The following CCSER1 variants were observed in gnomAD, a reference collection of about 807,000 sequenced individuals.
CCSER1 encodes the protein coiled-coil serine rich protein 1.
CCSER1 carries 41 observed loss-of-function variants against 82.0 expected under a neutral mutation model. The observed-to-expected ratio is 0.50, with a 90% CI of 0.39 to 0.65. The LOEUF is 0.65. Ranked by LOEUF, CCSER1 falls within the 30% of genes least tolerant of loss-of-function variation. The pLI, the probability that CCSER1 is intolerant of heterozygous loss-of-function variation, is 0.00. For missense variants in CCSER1, 1,119 were observed against 1,064.2 expected (o/e 1.05, Z -0.72); for synonymous variants, 414 against 383.9 (o/e 1.08, Z -0.92).
chr4:91,258,786 T>A (rs1052932893), intron 10 of CCSER1, among the ~76,000 whole-genome samples: 31 of 152,272 alleles, frequency 2.0e-4, no homozygotes, highest in African/African-American at 7.5e-4. Context: ...GACAATAATC[T>A]AAATGCTTTA....
chr4:90,306,424 A>C (rs370354852), intron 1 of CCSER1, among the ~76,000 whole-genome samples: 1 of 152,210 alleles, frequency 6.6e-6, no homozygotes, highest in East Asian at 1.9e-4. Flanking sequence ...AAAAATATCA[A>C]AACATCACGT....
At chr4:91,105,530 C>T (rs895432555) in intron 10 of CCSER1, among the ~76,000 whole-genome samples, 4 of 152,050 alleles carry the variant, frequency 2.6e-5, no homozygotes, top group Non-Finnish European at 5.9e-5. Context: ...ATGGTGAAAC[C>T]CCATCTCTAC....
intron 5 of CCSER1, among the ~76,000 whole-genome samples, chr4:90,504,288 A>G (rs868327766): frequency 6.6e-6 from 1 of 152,162 alleles, no homozygotes; most frequent in African/African-American, 2.4e-5. Flanking sequence ...TCTTTTATTT[A>G]TAAGCCTGTT....
chr4:90,238,812 A>G (rs980970251), intron 1 of CCSER1, among the ~76,000 whole-genome samples: 1 of 151,860 alleles, frequency 6.6e-6, no homozygotes, highest in African/African-American at 2.4e-5. Context: ...TTCTGAAAAC[A>G]GTCTTTTTAA....
chr4:90,195,975 T>C (rs1214723537), intron 1 of CCSER1, among the ~76,000 whole-genome samples: 5 of 152,120 alleles, frequency 3.3e-5, no homozygotes, highest in African/African-American at 7.2e-5. Context: ...ATTCCATCAG[T>C]TGAATTCCCA....
chr4:91,363,537 G>A (rs1560613490), intron 10 of CCSER1, among the ~76,000 whole-genome samples: 1 of 151,692 alleles, frequency 6.6e-6, no homozygotes, highest in African/African-American at 2.4e-5. Flanking sequence ...TGTTTCTACT[G>A]TAGTGTCCTC....
intron 3 of CCSER1, among the ~76,000 whole-genome samples, chr4:90,369,221 AAG>A (rs1237580223): frequency 7.7e-6 from 1 of 129,660 alleles, no homozygotes; most frequent in Non-Finnish European, 1.7e-5. Context: ...AGAAGAAAGA[AAG>A]GGGGAGGAAA....
chr4:90,510,719 C>T (rs1578882706), intron 5 of CCSER1, among the ~76,000 whole-genome samples: 1 of 152,208 alleles, frequency 6.6e-6, no homozygotes, highest in South Asian at 2.1e-4. Context: ...AACACCTGCT[C>T]ACTGATGACA....
chr4:91,573,861 C>T (rs1267012368), intron 10 of CCSER1, among the ~76,000 whole-genome samples: 1 of 152,064 alleles, frequency 6.6e-6, no homozygotes, highest in Admixed American at 6.6e-5. Flanking sequence ...TTTTTATACA[C>T]TAACAATGAA....
chr4:90,460,763 C>A (rs1762793974), intron 4 of CCSER1, among the ~76,000 whole-genome samples: 1 of 152,100 alleles, frequency 6.6e-6, no homozygotes, highest in Non-Finnish European at 1.5e-5. Context: ...CTTTTGATGG[C>A]TCTTCTCTCA....
intron 10 of CCSER1, among the ~76,000 whole-genome samples, chr4:91,498,968 G>A (rs1759070046): frequency 6.6e-6 from 1 of 151,492 alleles, no homozygotes; most frequent in African/African-American, 2.4e-5. Flanking sequence ...TAATAATGTT[G>A]TCTCCACTCT....
chr4:90,325,521 CT>C (rs1348047434), intron 3 of CCSER1: 1 of 232,224 alleles, frequency 4.3e-6, no homozygotes, highest in Admixed American at 4.2e-5. Context: ...AGGACAACTG[CT>C]TTGTTCCTTA....
chr4:91,007,891 C>CT (rs913964054), intron 9 of CCSER1, among the ~76,000 whole-genome samples: 21 of 151,822 alleles, frequency 1.4e-4, no homozygotes, highest in African/African-American at 5.1e-4. Context: ...ATATACTTCC[C>CT]TTTGAGTACT....
At chr4:91,209,363 CTTA>C (rs1327555600) in intron 10 of CCSER1, among the ~76,000 whole-genome samples, 1 of 151,694 alleles carries the variant, frequency 6.6e-6, no homozygotes, top group Non-Finnish European at 1.5e-5. Flanking sequence ...ATAGATGGCT[CTTA>C]TTATTTTGAG....
rs142199213 is a variant in CCSER1, at chr4:90,127,568, C to CCT, written c.-290_-289dup. On this transcript the variant is annotated 5_prime_UTR_variant, in exon 1 of 11. Coordinates refer to ENST00000509176, the MANE Select transcript of CCSER1 (RefSeq NM_001145065.2). Reference sequence around the variant, plus strand: ...GCCGACCTACTGCCAATCCGCCTCTCCTCTCTCTCTCTCTCTGTCTCAACA... The same window carrying CCT: ...GCCGACCTACTGCCAATCCGCCTCTCCTCTCTCTCTCTCTCTCTGTCTCAACA... The CCT allele has an allele frequency of 3.2e-3, 485 of 151,184 alleles. 2 individuals carry two copies. The highest frequency in any genetic ancestry group is 0.026 in the Middle Eastern group (8 of 308). The allele number at this position is 151,184 out of a possible 1,614,324, so 9.4% of individuals were successfully genotyped here.
chr4:91,340,828 G>A (rs1019886740), intron 10 of CCSER1, among the ~76,000 whole-genome samples: 2 of 152,134 alleles, frequency 1.3e-5, no homozygotes, highest in Non-Finnish European at 2.9e-5. Context: ...ATATGAAATT[G>A]TGGGAACTTC....
At chr4:91,055,452 T>C (rs892355862) in intron 9 of CCSER1, among the ~76,000 whole-genome samples, 2 of 152,156 alleles carry the variant, frequency 1.3e-5, no homozygotes, top group Admixed American at 1.3e-4. Context: ...TCTTTCAGTA[T>C]TTTAGCTATA....
chr4:91,214,268 A>G (rs1737063249), intron 10 of CCSER1, among the ~76,000 whole-genome samples: 1 of 152,208 alleles, frequency 6.6e-6, no homozygotes, highest in African/African-American at 2.4e-5. Context: ...CAGAGATTAA[A>G]GTGCCCACAT....
intron 8 of CCSER1, among the ~76,000 whole-genome samples, chr4:90,917,436 T>C (rs1365594219): frequency 1.3e-5 from 2 of 152,114 alleles, no homozygotes; most frequent in Non-Finnish European, 2.9e-5. Flanking sequence ...ACACCGCATG[T>C]TCTCACTCAT....
Sources: gnomAD v4.1 joint callset for allele counts (sites outside exome capture counted in the v4.1 genomes callset) on GRCh38, gnomAD v4.1.1 for gene constraint, MANE v1.5 for transcripts, NCBI Gene and HGNC (gene_info 2026-07-23, HGNC 2026-07-21) for gene names.